The following ACAN variants were observed in gnomAD, a reference collection of about 807,000 sequenced individuals.
The protein encoded by ACAN is aggrecan core protein.
A neutral mutation model predicts 169.1 loss-of-function variants in ACAN; 47 were observed. The ratio of observed to expected loss-of-function variants is 0.28; its 90% confidence interval spans 0.22 to 0.35. The LOEUF is 0.35. Among genes scored for constraint, ACAN ranks in the 10% least tolerant of loss-of-function variants. The pLI, the probability that ACAN is intolerant of heterozygous loss-of-function variation, is 1.00. For missense variants in ACAN, 2,716 were observed against 2,759.9 expected, an observed-to-expected ratio of 0.98 and a Z score of 0.36; for synonymous variants, 1,115 against 1,112.2, an observed-to-expected ratio of 1.00 and a Z score of -0.05.
At position 88,857,212 on chromosome 15, in the gene ACAN, G is replaced by A; in HGVS notation, c.4627G>A (p.Gly1543Arg). 2.5e-6 allele frequency: 4 copies of A among 1,613,862 alleles called. No homozygotes were observed. The highest frequency in any genetic ancestry group is 1.1e-5 in the South Asian group (1 of 91,076). ...EVLEISASGF[G>R]DLSGLPSGGE... Reference sequence around the variant, plus strand: ...TCTAGAGATTTCTGCCTCTGGATTTGGGGACCTCAGTGGACTTCCTTCTGG... The same window carrying A: ...TCTAGAGATTTCTGCCTCTGGATTTAGGGACCTCAGTGGACTTCCTTCTGG... The change falls in exon 12 of 19, where the codon GGG (glycine) becomes AGG (arginine). Residue 1543 changes from glycine (G) to arginine (R), a missense_variant. Transcript: ENST00000560601.
intron 1 of ACAN, among the ~76,000 whole-genome samples, chr15:88,816,243 T>C (rs8041519): frequency 0.23 from 35,484 of 152,176 alleles, 5,696 homozygotes; most frequent in African/African-American, 0.45. Context: ...GGGTTCAGGC[T>C]TAGACATAAG....
At chr15:88,805,084 G>A (rs1047882120) in intron 1 of ACAN, among the ~76,000 whole-genome samples, 55 of 152,200 alleles carry the variant, frequency 3.6e-4, no homozygotes, top group African/African-American at 1.0e-3. Flanking sequence ...GGTTTTCTGA[G>A]GCCATAGTCG....
rs1555455035 is a variant in ACAN, at chr15:88,849,351, GT to G, written c.1733-85del. Reference sequence around the variant, plus strand: ...CTGGGTCTTAGCCCTGGTGAGGAGGGTTAGAGGAACTCTGTCCTGGGTGGGC... The same window carrying G: ...CTGGGTCTTAGCCCTGGTGAGGAGGGTAGAGGAACTCTGTCCTGGGTGGGC... On this transcript the variant is annotated intron_variant, in intron 9 of 18. Transcript: ENST00000560601. This position sits in a 1 kb window ranked among gnomAD's most constrained non-coding sequence, Gnocchi z 5.1. 6.0e-6 allele frequency: 8 copies of G among 1,337,168 alleles called. No individual in the cohort carries two copies. The highest frequency in any genetic ancestry group is 8.0e-6 in the Non-Finnish European group (8 of 1,003,698). 82.8% of individuals were successfully genotyped at this position (1,337,168 alleles called of 1,614,324 possible).
intron 10 of ACAN, chr15:88,850,957 A>AG (rs1273614996): frequency 6.6e-6 from 1 of 152,192 alleles, no homozygotes; most frequent in East Asian, 1.9e-4. Context: ...AAAAAAAAAA[A>AG]AAAATTCAAA....
intron 13 of ACAN, among the ~76,000 whole-genome samples, chr15:88,860,775 CA>C (rs1243635923): frequency 1.3e-5 from 2 of 152,148 alleles, no homozygotes; most frequent in African/African-American, 4.8e-5. Context: ...GTATTAAATA[CA>C]GCGGGTCACA....
intron 1 of ACAN, among the ~76,000 whole-genome samples, chr15:88,834,939 A>G (rs889408387): frequency 2.6e-5 from 4 of 152,184 alleles, no homozygotes; most frequent in East Asian, 1.9e-4. Flanking sequence ...GGGTCCACCT[A>G]TGCTGGAGTC....
rs543345101 is a variant in ACAN, at chr15:88,874,779, G to A, written c.*298G>A. On this transcript the variant is annotated 3_prime_UTR_variant, in exon 19 of 19. Transcript: ENST00000560601. The surrounding 1 kb of genome is among the most constrained non-coding windows in gnomAD (Gnocchi z 7.3). The stretch of plus-strand genomic sequence containing the variant: ...GTGCCTTTCCAGGGACCAGTGCAGG[G>A]ACAGGGGGAGAAGGGGAGGGGTTAA... 1.5e-5 allele frequency: 7 copies of A among 454,894 alleles called. No homozygotes were observed. Among genetic ancestry groups the A allele is most frequent in the African/African-American group, 1.0e-4 (5 of 50,148 alleles). The allele number at this position is 454,894 out of a possible 1,614,324, so 28.2% of individuals were successfully genotyped here. A position where few individuals can be genotyped will look rare whatever the true frequency, so the allele number is the denominator to read the frequency against.
intron 13 of ACAN, among the ~76,000 whole-genome samples, chr15:88,863,068 C>G (rs906874373): frequency 6.6e-6 from 1 of 150,868 alleles, no homozygotes; most frequent in Non-Finnish European, 1.5e-5. Flanking sequence ...GAGCAAAATG[C>G]AGCATGATTC....
intron 12 of ACAN, 73 bp downstream of exon 12, chr15:88,859,490 G>C: frequency 5.8e-6 from 9 of 1,545,484 alleles, no homozygotes; most frequent in Non-Finnish European, 7.9e-6. Context: ...ACAGAAGGAG[G>C]CAGCATAGCT....
chr15:88,855,513 T>G lies in ACAN; in HGVS notation c.2928T>G (p.Leu976=). The G allele has an allele frequency of 1.2e-6, 2 of 1,613,842 alleles. No individual in the cohort carries two copies. The highest frequency in any genetic ancestry group is 1.7e-6 in the Non-Finnish European group (2 of 1,179,878). ...SASGVGDLSG[L]PSGEVLETTA... is the part of the protein sequence containing the mutation. Reference sequence around the variant, plus strand: ...CTGGAGTAGGAGACCTCAGTGGGCTTCCTTCTGGAGAAGTTCTAGAGACCA... The same window carrying G: ...CTGGAGTAGGAGACCTCAGTGGGCTGCCTTCTGGAGAAGTTCTAGAGACCA... The change falls in exon 12 of 19, where the codon CTT becomes CTG. Residue 976 remains leucine, a synonymous_variant. Transcript: ENST00000560601.
chr15:88,849,526 C>T lies in ACAN; in HGVS notation c.1821C>T (p.Thr607=). 1 of 1,606,402 alleles carries T rather than the reference C, an allele frequency of 6.2e-7. No homozygotes were observed. ...FCESHNATLA[T]TGQLYAAWSR... ...AATCTCACAATGCTACGCTGGCCAC[C>T]ACGGGCCAGCTCTACGCCGCCTGGA... The change falls in exon 10 of 19, where the codon ACC becomes ACT. Residue 607 remains threonine (T), a synonymous_variant. Transcript: ENST00000560601. This position sits in a 1 kb window ranked among gnomAD's most constrained non-coding sequence, Gnocchi z 5.1.
At position 88,870,625 on chromosome 15, in the gene ACAN, C is replaced by T. The variant is rs1342127567; in HGVS notation, c.7061-757C>T. Among the ~76,000 whole-genome samples, 1 of 152,158 alleles carries T rather than the reference C, an allele frequency of 6.6e-6. No individual in the cohort carries two copies. The highest frequency in any genetic ancestry group is 1.5e-5 in the Non-Finnish European group (1 of 68,018). On this transcript the variant is annotated intron_variant, in intron 14 of 18. Coordinates refer to ENST00000560601, the MANE Select transcript of ACAN (RefSeq NM_001369268.1). This position sits in a 1 kb window ranked among gnomAD's most constrained non-coding sequence, Gnocchi z 6.3. ...TGGCTCCGCCTGTCCCCTAGGCTGT[C>T]CAAGAACTCCAAGCCAGCCCCTTCT...
chr15:88,841,227 A>G (rs1193260126), intron 4 of ACAN, among the ~76,000 whole-genome samples: 1 of 152,260 alleles, frequency 6.6e-6, no homozygotes, highest in Admixed American at 6.5e-5. Flanking sequence ...AACACCTCTG[A>G]GCCCCAGTTT....
chr15:88,831,707 A>G (rs752215914), intron 1 of ACAN, among the ~76,000 whole-genome samples: 10 of 152,200 alleles, frequency 6.6e-5, no homozygotes, highest in Non-Finnish European at 1.3e-4. Context: ...TATGGCCTTG[A>G]GCAACTCAGC....
chr15:88,819,948 T>C (rs1896032909), intron 1 of ACAN, among the ~76,000 whole-genome samples: 1 of 152,022 alleles, frequency 6.6e-6, no homozygotes, highest in South Asian at 2.1e-4. Flanking sequence ...AATCCGGGTT[T>C]GAATTCTGGC....
In ACAN at chr15:88,861,831, C is replaced by T. The variant is rs1203680098; in HGVS notation, c.6946+1392C>T. Among the ~76,000 whole-genome samples, 1 of 152,138 alleles carries T rather than the reference C, an allele frequency of 6.6e-6. No individual in the cohort carries two copies. On this transcript the variant is annotated intron_variant, in intron 13 of 18. Transcript: ENST00000560601. The surrounding 1 kb of genome is among the most constrained non-coding windows in gnomAD (Gnocchi z 6.3). The stretch of plus-strand genomic sequence containing the variant: ...AGCAAGGCTCATGTTCTTGGCAGCC[C>T]TGAAATTAATAGGAGTAAGTGTCAG...
rs1406497472 is a variant in ACAN, at chr15:88,857,907, T to C, written c.5322T>C (p.Tyr1774=). The change falls in exon 12 of 19, where the codon TAT becomes TAC. Residue 1774 remains tyrosine, a synonymous_variant. Transcript: ENST00000560601. ...GISGEASGVL[Y]GTSQPFGITD... ...GTGGAGAAGCATCTGGAGTTCTTTA[T>C]GGCACTAGTCAACCCTTTGGCATAA... 6.2e-7 allele frequency: 1 copy of C among 1,613,488 alleles called. No individual in the cohort carries two copies. The highest frequency in any genetic ancestry group is 2.2e-5 in the East Asian group (1 of 44,862).
intron 11 of ACAN, 115 bp from the exon 12 acceptor site, chr15:88,854,737 C>G: frequency 8.3e-7 from 1 of 1,206,180 alleles, no homozygotes; most frequent in Non-Finnish European, 1.1e-6. Flanking sequence ...CGTTGCTGAG[C>G]TCTTGAGAGA....
At position 88,874,041 on chromosome 15, in the gene ACAN, C is replaced by T. The variant is rs766776231; in HGVS notation, c.7630+17C>T. The T allele has an allele frequency of 1.2e-5, 20 of 1,606,710 alleles. No individual in the cohort carries two copies. In the East Asian group the frequency reaches 4.5e-4, roughly 36 times the overall value. On this transcript the variant is annotated intron_variant, in intron 18 of 18. Coordinates refer to ENST00000560601, the MANE Select transcript of ACAN (RefSeq NM_001369268.1). The surrounding 1 kb of genome is among the most constrained non-coding windows in gnomAD (Gnocchi z 7.3). ...GCACAGACCGTGAGCATCACCCCGG[C>T]CATCTCGCTGAGCACAGGGTTAGAT...
Sources: gnomAD v4.1 joint callset for allele counts (sites outside exome capture counted in the v4.1 genomes callset) on GRCh38, gnomAD v4.1.1 for gene constraint, Gnocchi (gnomAD v3.1) non-coding constraint, MANE v1.5 for transcripts, NCBI Gene and HGNC (gene_info 2026-07-23, HGNC 2026-07-21) for gene names.